Variants in KPNA1 observed in about 807,000 individuals in gnomAD.
KPNA1 encodes the protein importin subunit alpha-5.
KPNA1 carries 10 observed loss-of-function variants against 70.5 expected under a neutral mutation model. The observed-to-expected ratio is 0.14, with a 90% CI of 0.09 to 0.24. The LOEUF (loss-of-function observed/expected upper bound fraction) is 0.24. KPNA1 is among the 10% of genes least tolerant of loss of function. KPNA1 has a pLI of 1.00. For synonymous variants in KPNA1, 192 were observed against 221.9 expected (o/e 0.87, Z 1.20); for missense variants, 397 against 637.9 (o/e 0.62, Z 4.07).
chr3:122,438,134 G>A (rs1377818278), intron 10 of KPNA1, among the ~76,000 whole-genome samples: 2 of 152,258 alleles, frequency 1.3e-5, no homozygotes, highest in African/African-American at 4.8e-5. Context: ...GGATCATGGG[G>A]GTGGATCCTT....
chr3:122,494,560 G>T (rs2076735836), intron 2 of KPNA1, among the ~76,000 whole-genome samples: 1 of 152,040 alleles, frequency 6.6e-6, no homozygotes, highest in East Asian at 1.9e-4. Flanking sequence ...TTTACATCAG[G>T]TAATGTGATA....
chr3:122,442,254 C>T (rs9842736), intron 9 of KPNA1, 138 bp from the exon 10 acceptor site: 86,580 of 633,880 alleles, frequency 0.14, 7,174 homozygotes, highest in East Asian at 0.33. Context: ...ATTAAGGGAA[C>T]GCTTATCATG....
chr3:122,500,285 C>T (rs1308155539), intron 1 of KPNA1, among the ~76,000 whole-genome samples: 1 of 151,882 alleles, frequency 6.6e-6, no homozygotes, highest in Non-Finnish European at 1.5e-5. Flanking sequence ...CCACGCCTGG[C>T]TACTTTTTGT....
At chr3:122,468,212 T>A (rs1392799165) in intron 2 of KPNA1, among the ~76,000 whole-genome samples, 1 of 152,218 alleles carries the variant, frequency 6.6e-6, no homozygotes, top group Non-Finnish European at 1.5e-5. Context: ...CAGATTACTA[T>A]GCAGACAGTT....
chr3:122,434,978 T>C (rs758643149), intron 11 of KPNA1, among the ~76,000 whole-genome samples: 9 of 152,178 alleles, frequency 5.9e-5, no homozygotes, highest in Non-Finnish European at 1.0e-4. Context: ...CAAAAACTCT[T>C]ATTATACCTG....
At chr3:122,499,122 C>T (rs1035089110) in intron 1 of KPNA1, among the ~76,000 whole-genome samples, 6 of 134,164 alleles carry the variant, frequency 4.5e-5, no homozygotes, top group African/African-American at 7.8e-5. Context: ...TTATTTGATA[C>T]ACATCATGTC....
intron 1 of KPNA1, among the ~76,000 whole-genome samples, chr3:122,505,691 T>C (rs536678892): frequency 5.1e-4 from 78 of 152,178 alleles, no homozygotes; most frequent in Non-Finnish European, 9.6e-4. Flanking sequence ...GGTGGTGAAA[T>C]AGAAACACAC....
At chr3:122,473,057 G>A (rs1443255206) in intron 2 of KPNA1, among the ~76,000 whole-genome samples, 2 of 152,018 alleles carry the variant, frequency 1.3e-5, no homozygotes, top group Non-Finnish European at 2.9e-5. Flanking sequence ...CTTCAGCCTA[G>A]GTAACAGCGA....
At chr3:122,503,848 G>GA (rs1453411662) in intron 1 of KPNA1, among the ~76,000 whole-genome samples, 2 of 151,558 alleles carry the variant, frequency 1.3e-5, no homozygotes, top group Non-Finnish European at 2.9e-5. Flanking sequence ...AGAGCTGTTT[G>GA]AAAAAAAACA....
intron 2 of KPNA1, among the ~76,000 whole-genome samples, chr3:122,495,747 A>T (rs945671242): frequency 2.7e-5 from 4 of 146,358 alleles, no homozygotes; most frequent in African/African-American, 1.0e-4. Flanking sequence ...AAAAAAAAAA[A>T]GTCACTTAAG....
chr3:122,488,011 T>C (rs1455465236), intron 2 of KPNA1, among the ~76,000 whole-genome samples: 1 of 152,194 alleles, frequency 6.6e-6, no homozygotes, highest in African/African-American at 2.4e-5. Flanking sequence ...TGTGACAATG[T>C]AGAAAATCTG....
intron 4 of KPNA1, among the ~76,000 whole-genome samples, chr3:122,463,015 C>A (rs555605427): frequency 6.6e-6 from 1 of 151,830 alleles, no homozygotes; most frequent in Non-Finnish European, 1.5e-5. Flanking sequence ...GATAGGATAT[C>A]GAGATCATCC....
intron 1 of KPNA1, among the ~76,000 whole-genome samples, chr3:122,513,545 G>A (rs897409524): frequency 2.6e-5 from 4 of 152,132 alleles, no homozygotes; most frequent in Non-Finnish European, 4.4e-5. Flanking sequence ...GAGCCTTGCT[G>A]GTGGCATCCG....
chr3:122,427,265 A>G (rs1008956827), intron 13 of KPNA1, 93 bp from the exon 14 acceptor site: 11 of 937,866 alleles, frequency 1.2e-5, no homozygotes, highest in East Asian at 2.6e-5. Flanking sequence ...ATTTTGTCAT[A>G]TATCTCTGTT....
intron 11 of KPNA1, among the ~76,000 whole-genome samples, chr3:122,434,496 C>T (rs527857536): frequency 2.6e-5 from 4 of 152,282 alleles, no homozygotes; most frequent in African/African-American, 9.6e-5. Flanking sequence ...CAGCAGTTTA[C>T]GTTAGGTCTG....
chr3:122,427,802 C>A, intron 12 of KPNA1, 86 bp from the exon 13 acceptor site: 1 of 793,422 alleles, frequency 1.3e-6, no homozygotes, highest in Non-Finnish European at 1.9e-6. Flanking sequence ...CTCAACTTCA[C>A]TGCAGAGACT....
intron 2 of KPNA1, among the ~76,000 whole-genome samples, chr3:122,488,857 T>C (rs1029225775): frequency 6.6e-6 from 1 of 152,258 alleles, no homozygotes; most frequent in Non-Finnish European, 1.5e-5. Context: ...GACGTAGTTT[T>C]CTTCATCTTT....
At chr3:122,490,740 T>A (rs2076688927) in intron 2 of KPNA1, among the ~76,000 whole-genome samples, 1 of 152,228 alleles carries the variant, frequency 6.6e-6, no homozygotes, top group Admixed American at 6.5e-5. Flanking sequence ...TAATTTGCTA[T>A]TTCTAGGCCT....
At chr3:122,493,007 AAAT>A (rs139877783) in intron 2 of KPNA1, among the ~76,000 whole-genome samples, 1,839 of 152,318 alleles carry the variant, frequency 0.012, 31 homozygotes, top group African/African-American at 0.042. Flanking sequence ...ACATATCAGA[AAAT>A]AATAACCTAC....
Sources: gnomAD v4.1 joint callset for allele counts (sites outside exome capture counted in the v4.1 genomes callset) on GRCh38, gnomAD v4.1.1 for gene constraint, MANE v1.5 for transcripts, NCBI Gene and HGNC (gene_info 2026-07-23, HGNC 2026-07-21) for gene names.